ODAD2: variants seen among roughly 807,000 people sequenced by gnomAD.
ODAD2 encodes outer dynein arm docking complex subunit 2, also known as outer dynein arm-docking complex subunit 2.
In ODAD2, 89 loss-of-function variants were observed where a neutral mutation model predicts 106.8. The ratio of observed to expected loss-of-function variants is 0.83; its 90% CI spans 0.70 to 0.99. ODAD2 has a LOEUF of 0.99. ODAD2 is among the 50% of genes least tolerant of loss of function. The pLI is 0.00. For missense variants in ODAD2, 1,168 were observed against 1,238.5 expected, an observed-to-expected ratio of 0.94 and a Z score of 0.85; for synonymous variants, 404 against 436.2, an observed-to-expected ratio of 0.93 and a Z score of 0.92.
chr10:27,963,937 T>G (rs1175003914), intron 9 of ODAD2, among the ~76,000 whole-genome samples: 1 of 152,022 alleles, frequency 6.6e-6, no homozygotes, highest in African/African-American at 2.4e-5. Flanking sequence ...TAAAAATAAT[T>G]TGGGCCGGGC....
At chr10:27,993,968 A>ATGTGTG (rs1365629219) in intron 2 of ODAD2, among the ~76,000 whole-genome samples, 4 of 109,832 alleles carry the variant, frequency 3.6e-5, no homozygotes, top group African/African-American at 1.3e-4. Context: ...AAATATATAT[A>ATGTGTG]TATATATGTG....
Position 27,812,634 on chromosome 10 carries a change from C to A in ODAD2, c.3022-9G>T. On this transcript the variant is annotated splice_polypyrimidine_tract_variant and intron_variant, in intron 19 of 19. Transcript: ENST00000305242. The stretch of plus-strand genomic sequence containing the variant: ...ACCATATCCAGTAGAAGCTGTCACA[C>A]ATAAGGAGGAGAAGAAGGGACACAA... 6.4e-7 allele frequency: 1 copy of A among 1,570,664 alleles called. No individual in the cohort carries two copies. Among genetic ancestry groups the A allele is most frequent in the South Asian group, 1.2e-5 (1 of 82,704 alleles).
chr10:27,941,324 A>G (rs756210234), intron 12 of ODAD2, among the ~76,000 whole-genome samples: 9 of 32,576 alleles, frequency 2.8e-4, no homozygotes, highest in African/African-American at 5.3e-4. Flanking sequence ...TTTCCACTGG[A>G]AAAAAAAAAA....
chr10:27,883,079 G>A (rs1841857012), intron 17 of ODAD2, among the ~76,000 whole-genome samples: 1 of 151,998 alleles, frequency 6.6e-6, no homozygotes, highest in Admixed American at 6.6e-5. Flanking sequence ...ACATACATGT[G>A]TCAGGTTCTG....
intron 12 of ODAD2, among the ~76,000 whole-genome samples, chr10:27,941,129 C>G (rs1846387458): frequency 6.6e-6 from 1 of 152,070 alleles, no homozygotes; most frequent in Non-Finnish European, 1.5e-5. Context: ...TCTCAGAAAA[C>G]TAGCTTCCCT....
Position 27,924,013 on chromosome 10 carries a change from A to AGAAAGG in ODAD2, c.2495+10996_2495+10997insCCTTTC, listed in dbSNP as rs1554810857. Among the ~76,000 whole-genome samples the AGAAAGG allele has an allele frequency of 7.0e-3, 770 of 109,696 alleles. 26 individuals are homozygous for AGAAAGG. Among genetic ancestry groups the AGAAAGG allele is most frequent in the East Asian group, 0.021 (77 of 3,652 alleles). 72.0% of individuals were successfully genotyped at this position (109,696 alleles called of 152,430 possible). ...AAGAAAGAAAGAAAGAAAGAAAGAA[A>AGAAAGG]GAAAGAAAGAAGGAAAGAGAAAGAA... is the stretch of plus-strand genomic sequence containing the variant. On this transcript the variant is annotated intron_variant, in intron 16 of 19. Transcript: ENST00000305242.
chr10:27,831,801 T>C (rs1837498337), intron 19 of ODAD2, among the ~76,000 whole-genome samples: 1 of 152,252 alleles, frequency 6.6e-6, no homozygotes, highest in African/African-American at 2.4e-5. Context: ...TGTGTCTTTA[T>C]GTTTGCAGTT....
Position 27,971,003 on chromosome 10 carries a change from TAAATAAAC to T in ODAD2, c.1142+97_1142+104del, listed in dbSNP as rs373966793. 0.041 allele frequency: 17,440 copies of T among 430,558 alleles called. 1,075 individuals carry two copies. Among genetic ancestry groups the T allele is most frequent in the East Asian group, 0.17 (3,824 of 22,314 alleles). 26.7% of individuals were successfully genotyped at this position (430,558 alleles called of 1,614,324 possible). A position where few individuals can be genotyped will look rare whatever the true frequency, so the allele number is the denominator to read the frequency against. On this transcript the variant is annotated intron_variant, in intron 8 of 19. Transcript: ENST00000305242. The stretch of plus-strand genomic sequence containing the variant: ...ATAAATAAATAAATAAATAAATAAA[TAAATAAAC>T]AAACAAACAAAATAAAATAAAATAA...
chr10:27,964,493 T>C (rs972598938), intron 9 of ODAD2, among the ~76,000 whole-genome samples: 1 of 152,230 alleles, frequency 6.6e-6, no homozygotes, highest in Non-Finnish European at 1.5e-5. Flanking sequence ...CAAACGTGCA[T>C]GGAGGGCCTG....
chr10:27,863,882 T>A (rs899985923), intron 17 of ODAD2, among the ~76,000 whole-genome samples: 1 of 151,814 alleles, frequency 6.6e-6, no homozygotes, highest in Non-Finnish European at 1.5e-5. Flanking sequence ...TGGGAGAAAG[T>A]GAGACTTAAG....
chr10:27,908,801 A>C (rs1843779753), intron 16 of ODAD2, among the ~76,000 whole-genome samples: 1 of 152,172 alleles, frequency 6.6e-6, no homozygotes, highest in African/African-American at 2.4e-5. Context: ...GTAGGAGATC[A>C]GTTTTGCATA....
chr10:27,922,285 T>C (rs558279601), intron 16 of ODAD2, among the ~76,000 whole-genome samples: 1 of 151,916 alleles, frequency 6.6e-6, no homozygotes, highest in East Asian at 1.9e-4. Flanking sequence ...TATAAGAATT[T>C]AGGGAATTCT....
chr10:27,975,446 C>A lies in ODAD2; in HGVS notation c.937-4133G>T, dbSNP rs577260179. ...CCAATATTAGGAATGAGAGAGGTAA[C>A]AATGACTACAAATTCTACAGATATT... On this transcript the variant is annotated intron_variant, in intron 7 of 19. Transcript: ENST00000305242. Among the ~76,000 whole-genome samples the A allele has an allele frequency of 5.3e-5, 8 of 152,156 alleles. No homozygotes were observed. In the South Asian group the frequency reaches 6.2e-4, roughly 12 times the overall value.
intron 16 of ODAD2, among the ~76,000 whole-genome samples, chr10:27,928,923 A>C (rs1401310596): frequency 6.6e-6 from 1 of 152,146 alleles, no homozygotes; most frequent in African/African-American, 2.4e-5. Flanking sequence ...GTATATGGTG[A>C]CCAAGACACT....
Position 27,912,609 on chromosome 10 carries a change from A to G in ODAD2, c.2496-4832T>C, listed in dbSNP as rs1360554717. 2.6e-5 allele frequency among the ~76,000 whole-genome samples: 4 copies of G among 152,156 alleles called. No individual in the cohort carries two copies. In the South Asian group the frequency reaches 8.3e-4, roughly 31 times the overall value. On this transcript the variant is annotated intron_variant, in intron 16 of 19. Coordinates refer to ENST00000305242, the MANE Select transcript of ODAD2 (RefSeq NM_018076.5). ...AGGGTTTCTTTCTGGCAATATCAAC[A>G]TATCTATTTTGAAATCATAATTTTG...
At chr10:27,941,601 T>TTTTTC (rs1554816100) in intron 12 of ODAD2, among the ~76,000 whole-genome samples, 6 of 149,234 alleles carry the variant, frequency 4.0e-5, no homozygotes, top group Non-Finnish European at 1.5e-5. Context: ...ATCCAGTTTT[T>TTTTTC]TTTTTTTTTT....
intron 17 of ODAD2, among the ~76,000 whole-genome samples, chr10:27,897,272 T>C (rs1349136274): frequency 2.6e-5 from 4 of 152,134 alleles, no homozygotes; most frequent in Non-Finnish European, 5.9e-5. Flanking sequence ...TAAAGGCTAA[T>C]GAGCCCTACT....
Position 27,935,241 on chromosome 10 carries a change from T to C in ODAD2, c.2264A>G (p.Tyr755Cys), listed in dbSNP as rs1845889344. ...SKENVTKFREYKAIETLVGLL... is the reference protein window; with the variant it reads ...SKENVTKFRECKAIETLVGLL... ...TCCCACCAAGGTTTCAATGGCTTTG[T>C]ATTCCCGAAACCTAAGTTCATCATA... The change falls in exon 16 of 20, where the codon TAC (tyrosine) becomes TGC (cysteine). Residue 755 changes from tyrosine to cysteine, a missense_variant. Transcript: ENST00000305242. 1 of 1,613,874 alleles carries C rather than the reference T, an allele frequency of 6.2e-7. No homozygotes were observed. Among genetic ancestry groups the C allele is most frequent in the Non-Finnish European group, 8.5e-7 (1 of 1,179,816 alleles).
intron 16 of ODAD2, among the ~76,000 whole-genome samples, chr10:27,924,030 G>GAAAGAAAGAAAGAGAGAA (rs1554810903): frequency 1.9e-5 from 2 of 103,832 alleles, no homozygotes; most frequent in Admixed American, 1.0e-4. Flanking sequence ...AAGAAGGAAA[G>GAAAGAAAGAAAGAGAGAA]AGAAAGAAAG....
Sources: gnomAD v4.1 joint callset for allele counts (sites outside exome capture counted in the v4.1 genomes callset) on GRCh38, gnomAD v4.1.1 for gene constraint, MANE v1.5 for transcripts, NCBI Gene and HGNC (gene_info 2026-07-23, HGNC 2026-07-21) for gene names.